Variants in CCDC69 observed in about 807,000 individuals in gnomAD.
CCDC69 encodes coiled-coil domain-containing protein 69.
Under a neutral mutation model 40.3 loss-of-function variants are expected in CCDC69, and 38 were observed. That is an observed-to-expected ratio of 0.94 (90% confidence interval 0.73 to 1.24). The LOEUF (loss-of-function observed/expected upper bound fraction) is 1.24. Among genes scored for constraint, CCDC69 ranks in the 50% most tolerant of loss-of-function variants. The probability of loss-of-function intolerance (pLI) is 0.00; values close to 1 mark genes in which losing one functional copy is unlikely to be tolerated. For synonymous variants in CCDC69, 141 were observed against 138.9 expected (o/e 1.02, Z -0.11); for missense variants, 389 against 357.9 (o/e 1.09, Z -0.70).
intron 1 of CCDC69, among the ~76,000 whole-genome samples, chr5:151,205,872 A>T (rs1398409132): frequency 1.3e-5 from 2 of 152,058 alleles, no homozygotes; most frequent in East Asian, 1.9e-4. Flanking sequence ...CCAACCCCCA[A>T]TTCGGAGATG....
At chr5:151,223,767 G>A (rs1753171743) in intron 1 of CCDC69, among the ~76,000 whole-genome samples, 156 bp downstream of exon 1, 1 of 152,206 alleles carries the variant, frequency 6.6e-6, no homozygotes. Context: ...GCGCCTCCCA[G>A]CAGAGCCTCC....
At chr5:151,203,057 C>G (rs1177368783) in intron 2 of CCDC69, among the ~76,000 whole-genome samples, 2 of 152,222 alleles carry the variant, frequency 1.3e-5, no homozygotes, top group East Asian at 3.9e-4. Flanking sequence ...AATATTATTA[C>G]CCCCATGCTA....
At chr5:151,223,776 C>T (rs571438029) in intron 1 of CCDC69, 147 bp downstream of exon 1, 90 of 698,650 alleles carry the variant, frequency 1.3e-4, no homozygotes, top group Non-Finnish European at 1.8e-4. Context: ...AGCAGAGCCT[C>T]CCTCGTCTCT....
In CCDC69 at chr5:151,186,469, GAGA is replaced by G. The variant is rs756122352; in HGVS notation, c.394-348_394-346del. On this transcript the variant is annotated intron_variant, in intron 5 of 8. Coordinates refer to ENST00000355417, the MANE Select transcript of CCDC69 (RefSeq NM_015621.3). The stretch of plus-strand genomic sequence containing the variant: ...AGGGAGGGAGAAGGAGAAGGAGAGG[GAGA>G]AGGAGAGGAGATGAAAGGAACATAC... 4.6e-5 allele frequency among the ~76,000 whole-genome samples: 7 copies of G among 151,886 alleles called. No homozygotes were observed. The East Asian group carries it at 1.2e-3, about 25-fold the overall frequency.
intron 1 of CCDC69, among the ~76,000 whole-genome samples, chr5:151,216,447 C>G: frequency 8.0e-6 from 1 of 124,976 alleles, no homozygotes; most frequent in South Asian, 2.6e-4. Context: ...GAGTCTTGCT[C>G]TGTCACCTAG....
chr5:151,189,991 T>A (rs1382463203), intron 4 of CCDC69, among the ~76,000 whole-genome samples: 1 of 152,194 alleles, frequency 6.6e-6, no homozygotes. Context: ...CCATATGCAG[T>A]GAAAATATCC....
At chr5:151,195,564 C>T (rs1288332760) in intron 4 of CCDC69, among the ~76,000 whole-genome samples, 1 of 151,750 alleles carries the variant, frequency 6.6e-6, no homozygotes, top group Non-Finnish European at 1.5e-5. Flanking sequence ...ACTAAAAATA[C>T]AAAAATTAGC....
chr5:151,202,221 C>T (rs989550005), intron 2 of CCDC69, among the ~76,000 whole-genome samples: 3 of 146,022 alleles, frequency 2.1e-5, no homozygotes, highest in Non-Finnish European at 4.5e-5. Context: ...AAAAGCTGGG[C>T]ATGATGGCAT....
chr5:151,203,846 CATATATA>C (rs1752813748), intron 2 of CCDC69, among the ~76,000 whole-genome samples: 1 of 120,808 alleles, frequency 8.3e-6, no homozygotes, highest in African/African-American at 3.3e-5. Flanking sequence ...AAATATATAT[CATATATA>C]GTATATATAT....
In CCDC69 at chr5:151,195,718, CA is replaced by C. The variant is rs765505789; in HGVS notation, c.319+3278del. ...TGGGGGACAGAGTGAGACTCCATCT[CA>C]AAAAAAAAAAAAAAAAAAAACACGC... On this transcript the variant is annotated intron_variant, in intron 4 of 8. Transcript: ENST00000355417. 7.6e-4 allele frequency among the ~76,000 whole-genome samples: 46 copies of C among 60,474 alleles called. No individual in the cohort carries two copies. The East Asian group carries it at 9.5e-3, about 13-fold the overall frequency. The allele number at this position is 60,474 out of a possible 152,430, so 39.7% of individuals were successfully genotyped here. A position where few individuals can be genotyped will look rare whatever the true frequency, so the allele number is the denominator to read the frequency against.
chr5:151,185,305 T>C, intron 7 of CCDC69, 117 bp downstream of exon 7: 1 of 1,187,594 alleles, frequency 8.4e-7, no homozygotes, highest in Non-Finnish European at 1.2e-6. Flanking sequence ...AGGTCAAAGC[T>C]GGAGTGAACT....
At chr5:151,187,051 C>T (rs1226510845) in intron 5 of CCDC69, among the ~76,000 whole-genome samples, 1 of 152,210 alleles carries the variant, frequency 6.6e-6, no homozygotes, top group Non-Finnish European at 1.5e-5. Context: ...CTTTCCTGCA[C>T]AGCCACATTG....
Position 151,205,880 on chromosome 5 carries a change from A to G in CCDC69, c.49-405T>C, listed in dbSNP as rs896877746. ...AAACCTCCCAACCCCCAATTCGGAG[A>G]TGATTTTTGCTTGGAGAAAACTCAA... On this transcript the variant is annotated intron_variant, in intron 1 of 8. Coordinates refer to ENST00000355417, the MANE Select transcript of CCDC69 (RefSeq NM_015621.3). Among the ~76,000 whole-genome samples, 13 of 152,278 alleles carry G rather than the reference A, an allele frequency of 8.5e-5. No individual in the cohort carries two copies. In the South Asian group the frequency reaches 2.7e-3, roughly 32 times the overall value.
At chr5:151,208,969 A>C (rs566383402) in intron 1 of CCDC69, among the ~76,000 whole-genome samples, 2 of 152,350 alleles carry the variant, frequency 1.3e-5, no homozygotes, top group East Asian at 3.9e-4. Context: ...AGGTCACTAC[A>C]GGCGAGGAAA....
At position 151,199,390 on chromosome 5, in the gene CCDC69, G is replaced by A. The variant is rs115575113; in HGVS notation, c.232-306C>T. Among the ~76,000 whole-genome samples, 147 of 152,186 alleles carry A rather than the reference G, an allele frequency of 9.7e-4. 1 individual carries two copies. The highest frequency in any genetic ancestry group is 3.7e-3 in the Admixed American group (56 of 15,290). On this transcript the variant is annotated intron_variant, in intron 3 of 8. Transcript: ENST00000355417. ...CCTCCCATGGTGTTTCTCTGCTTGC[G>A]TAAGGCTTACTGTTTCAAGTGACCT...
chr5:151,201,527 T>C (rs1382703475), intron 3 of CCDC69, 55 bp downstream of exon 3: 1 of 1,201,840 alleles, frequency 8.3e-7, no homozygotes, highest in African/African-American at 1.5e-5. Flanking sequence ...ACTCTGGGAT[T>C]CACCAAAGTT....
At chr5:151,216,239 G>A (rs1355957883) in intron 1 of CCDC69, among the ~76,000 whole-genome samples, 1 of 151,910 alleles carries the variant, frequency 6.6e-6, no homozygotes, top group Non-Finnish European at 1.5e-5. Flanking sequence ...GATTACAGGC[G>A]TGAGCCACCA....
chr5:151,187,507 G>A, intron 4 of CCDC69, 48 bp from the exon 5 acceptor site: 1 of 1,474,146 alleles, frequency 6.8e-7, no homozygotes, highest in Admixed American at 2.0e-5. Flanking sequence ...TCTCCCCAAA[G>A]CCTTCTGCAG....
intron 1 of CCDC69, among the ~76,000 whole-genome samples, chr5:151,221,372 G>A (rs1753132030): frequency 6.6e-6 from 1 of 152,202 alleles, no homozygotes; most frequent in Non-Finnish European, 1.5e-5. Flanking sequence ...CCTTGGCCAT[G>A]AGTGGGTAAC....
Sources: allele counts gnomAD v4.1 joint callset (sites outside exome capture counted in the v4.1 genomes callset), GRCh38; gene constraint gnomAD v4.1.1; transcripts MANE v1.5; gene names NCBI Gene and HGNC (gene_info 2026-07-23, HGNC 2026-07-21).